Variants in PPP6R3 observed in about 807,000 individuals in gnomAD.
PPP6R3 encodes protein phosphatase 6 regulatory subunit 3.
A neutral mutation model predicts 110.7 loss-of-function variants in PPP6R3; 38 were observed. That is an observed-to-expected ratio of 0.34 (90% CI 0.26 to 0.45). The LOEUF (loss-of-function observed/expected upper bound fraction) is 0.45, where lower values mean the gene tolerates loss of function less well. Ranked by LOEUF, PPP6R3 falls within the 20% of genes least tolerant of loss-of-function variation. PPP6R3 has a pLI of 1.00. For synonymous variants in PPP6R3, 369 were observed against 373.5 expected (o/e 0.99, Z 0.14); for missense variants, 870 against 1,062.4 (o/e 0.82, Z 2.52).
intron 19 of PPP6R3, among the ~76,000 whole-genome samples, chr11:68,599,205 C>G (rs1174573787): frequency 6.6e-6 from 1 of 152,222 alleles, no homozygotes; most frequent in Non-Finnish European, 1.5e-5. Flanking sequence ...ATGATAATAT[C>G]CCTGATGGAA....
chr11:68,567,962 G>T (rs953695611), intron 10 of PPP6R3, among the ~76,000 whole-genome samples: 2 of 152,098 alleles, frequency 1.3e-5, no homozygotes, highest in South Asian at 2.1e-4. Flanking sequence ...GAGAGGATGT[G>T]TTTTTCAGAT....
intron 11 of PPP6R3, among the ~76,000 whole-genome samples, chr11:68,570,362 A>G (rs2099498843): frequency 6.6e-6 from 1 of 152,198 alleles, no homozygotes; most frequent in African/African-American, 2.4e-5. Context: ...TTACTAAGTC[A>G]GTCTTCAGAT....
intron 1 of PPP6R3, among the ~76,000 whole-genome samples, chr11:68,503,778 C>T (rs1391402537): frequency 1.3e-5 from 2 of 152,076 alleles, no homozygotes; most frequent in East Asian, 1.9e-4. Context: ...TTTAAAATAA[C>T]CCCTACAAAT....
At chr11:68,513,054 AT>A (rs1250462128) in intron 1 of PPP6R3, among the ~76,000 whole-genome samples, 2 of 152,066 alleles carry the variant, frequency 1.3e-5, no homozygotes, top group Non-Finnish European at 2.9e-5. Context: ...ACTCCACGAT[AT>A]ACACCAGCAG....
chr11:68,569,740 T>C lies in PPP6R3; in HGVS notation c.1129-8T>C. 2 of 1,566,054 alleles carry C rather than the reference T, an allele frequency of 1.3e-6. No individual in the cohort carries two copies. Among genetic ancestry groups the C allele is most frequent in the Non-Finnish European group, 1.7e-6 (2 of 1,149,362 alleles). ...AACCGAATAAAACATGGTTTTTCTT[T>C]TTTGTAGAACATGTTCTTCAAGTAT... On this transcript the variant is annotated splice_polypyrimidine_tract_variant and splice_region_variant and intron_variant, in intron 10 of 23. Coordinates refer to ENST00000393800, the MANE Select transcript of PPP6R3 (RefSeq NM_001164161.2).
intron 8 of PPP6R3, among the ~76,000 whole-genome samples, chr11:68,563,108 A>G (rs2153740763): frequency 6.6e-6 from 1 of 151,938 alleles, no homozygotes; most frequent in East Asian, 1.9e-4. Context: ...TCTACCGAAA[A>G]AAAAAAAAAA....
intron 14 of PPP6R3, among the ~76,000 whole-genome samples, chr11:68,582,038 G>A (rs966267061): frequency 6.6e-6 from 1 of 152,162 alleles, no homozygotes; most frequent in African/African-American, 2.4e-5. Flanking sequence ...TCTACTGTGG[G>A]TTTATTGAAC....
intron 15 of PPP6R3, among the ~76,000 whole-genome samples, chr11:68,586,014 G>A (rs547910993): frequency 6.6e-6 from 1 of 151,608 alleles, no homozygotes; most frequent in South Asian, 2.1e-4. Flanking sequence ...CTGTAGTCTG[G>A]CTGCTCTGGA....
At chr11:68,523,712 C>G (rs1400833125) in intron 2 of PPP6R3, among the ~76,000 whole-genome samples, 3 of 21,448 alleles carry the variant, frequency 1.4e-4, no homozygotes, top group Non-Finnish European at 3.3e-4. Context: ...CCCCTGCCCC[C>G]CCCCCCCCCT....
intron 1 of PPP6R3, among the ~76,000 whole-genome samples, chr11:68,518,569 C>T (rs1204664131): frequency 6.6e-6 from 1 of 152,076 alleles, no homozygotes. Flanking sequence ...TCATTTTAAG[C>T]AAAAATTTGG....
At chr11:68,529,215 G>GGTGTGT (rs142081470) in intron 2 of PPP6R3, among the ~76,000 whole-genome samples, 10 of 151,228 alleles carry the variant, frequency 6.6e-5, no homozygotes, top group African/African-American at 2.2e-4. Context: ...CCTGTTTTTG[G>GGTGTGT]GTGTGTGTGT....
chr11:68,554,394 G>A (rs2099391819), intron 7 of PPP6R3, 137 bp downstream of exon 7: 1 of 553,374 alleles, frequency 1.8e-6, no homozygotes, highest in Non-Finnish European at 3.0e-6. Flanking sequence ...GAGAAGGTAG[G>A]GAAACCTGCT....
At chr11:68,591,551 T>C in intron 17 of PPP6R3, 25 bp from the exon 18 acceptor site, 1 of 1,559,864 alleles carries the variant, frequency 6.4e-7, no homozygotes, top group Non-Finnish European at 8.7e-7. Context: ...TATTTTGTTG[T>C]TTTTTTCCTC....
rs538878360 is a variant in PPP6R3, at chr11:68,463,076, T to C, written c.-158+2249T>C. Among the ~76,000 whole-genome samples the C allele has an allele frequency of 5.3e-5, 8 of 152,272 alleles. No individual in the cohort carries two copies. In the East Asian group the frequency reaches 1.5e-3, roughly 29 times the overall value. On this transcript the variant is annotated intron_variant, in intron 1 of 23. Coordinates refer to ENST00000393800, the MANE Select transcript of PPP6R3 (RefSeq NM_001164161.2). ...TTGACAGGATGAGGTTGCCTAGCTT[T>C]TTAAGATAAAGCTTTGGCCGGGCGC...
chr11:68,559,864 C>T (rs2099412617), intron 8 of PPP6R3, among the ~76,000 whole-genome samples: 1 of 129,512 alleles, frequency 7.7e-6, no homozygotes, highest in Non-Finnish European at 1.6e-5. Context: ...CCCAGCGGTA[C>T]GGTGCCCTCT....
At chr11:68,599,258 AG>A (rs2099623288) in intron 19 of PPP6R3, among the ~76,000 whole-genome samples, 3 of 152,248 alleles carry the variant, frequency 2.0e-5, no homozygotes, top group African/African-American at 2.4e-5. Flanking sequence ...CAAAGAATTG[AG>A]GATTCAGCAC....
intron 2 of PPP6R3, among the ~76,000 whole-genome samples, chr11:68,534,767 A>G (rs1034311629): frequency 6.6e-6 from 1 of 152,168 alleles, no homozygotes; most frequent in Non-Finnish European, 1.5e-5. Context: ...ATATATTTTA[A>G]AAAAAGGTTT....
intron 1 of PPP6R3, among the ~76,000 whole-genome samples, chr11:68,464,022 C>T (rs1367004722): frequency 1.3e-5 from 2 of 152,184 alleles, no homozygotes; most frequent in Non-Finnish European, 2.9e-5. Context: ...AAATCCTGCA[C>T]TTAGATAGAT....
At chr11:68,548,259 C>T (rs2099356966) in intron 5 of PPP6R3, 55 bp downstream of exon 5, 1 of 1,596,438 alleles carries the variant, frequency 6.3e-7, no homozygotes. Context: ...GCATGTGAGC[C>T]CACCAGGCTG....
Sources: allele counts gnomAD v4.1 joint callset (sites outside exome capture counted in the v4.1 genomes callset), GRCh38; gene constraint gnomAD v4.1.1; transcripts MANE v1.5; gene names NCBI Gene and HGNC (gene_info 2026-07-23, HGNC 2026-07-21).